Variants in TULP3 observed in about 807,000 individuals in gnomAD.
The protein encoded by TULP3 is TUB like protein 3, also known as tubby-related protein 3.
TULP3 carries 38 observed loss-of-function variants against 50.7 expected under a neutral mutation model. The observed-to-expected ratio is 0.75, with a 90% CI of 0.58 to 0.98. TULP3 has a LOEUF of 0.98. TULP3 is among the 50% of genes least tolerant of loss of function. The pLI is 0.00. For missense variants in TULP3, 550 were observed against 568.0 expected (o/e 0.97, Z 0.32); for synonymous variants, 183 against 196.6 (o/e 0.93, Z 0.58).
chr12:2,919,674 A>G (rs1228132836), intron 2 of TULP3, among the ~76,000 whole-genome samples: 6 of 152,148 alleles, frequency 3.9e-5, no homozygotes, highest in African/African-American at 1.4e-4. Context: ...TCCCAGATCA[A>G]TAATAATTTC....
At chr12:2,891,062 G>C in intron 1 of TULP3, 74 bp downstream of exon 1, 1 of 1,437,058 alleles carries the variant, frequency 7.0e-7, no homozygotes, top group African/African-American at 1.4e-5. Flanking sequence ...GGTCCTCTCC[G>C]GGAGCCCTGC....
At chr12:2,896,304 C>T (rs1273951416) in intron 1 of TULP3, among the ~76,000 whole-genome samples, 1 of 152,176 alleles carries the variant, frequency 6.6e-6, no homozygotes, top group East Asian at 1.9e-4. Flanking sequence ...ACCTAAATGT[C>T]GTTATTCAGG....
intron 8 of TULP3, among the ~76,000 whole-genome samples, chr12:2,934,860 T>C: frequency 6.6e-6 from 1 of 152,192 alleles, no homozygotes; most frequent in East Asian, 1.9e-4. Context: ...GCTGATCTTT[T>C]TTTGCTTTTA....
intron 2 of TULP3, among the ~76,000 whole-genome samples, 193 bp from the exon 3 acceptor site, chr12:2,920,570 C>T (rs564630040): frequency 6.6e-6 from 1 of 151,928 alleles, no homozygotes; most frequent in Non-Finnish European, 1.5e-5. Context: ...GTTAGGTGTT[C>T]AAAAGTATTT....
intron 4 of TULP3, among the ~76,000 whole-genome samples, chr12:2,928,700 T>C (rs1430402634): frequency 6.6e-6 from 1 of 152,060 alleles, no homozygotes; most frequent in African/African-American, 2.4e-5. Flanking sequence ...CCCAGCACTT[T>C]GTGAGGCCAA....
chr12:2,927,094 G>C (rs1374745614), intron 4 of TULP3, among the ~76,000 whole-genome samples: 1 of 151,886 alleles, frequency 6.6e-6, no homozygotes, highest in East Asian at 1.9e-4. Flanking sequence ...GGATTTGCCT[G>C]TTCTGGACAT....
chr12:2,938,213 T>A lies in TULP3; in HGVS notation c.1123T>A (p.Tyr375Asn). 1 of 1,614,196 alleles carries A rather than the reference T, an allele frequency of 6.2e-7. No homozygotes were observed. The highest frequency in any genetic ancestry group is 8.5e-7 in the Non-Finnish European group (1 of 1,180,028). ...APVWNSDTQS[Y>N]VLNFRGRVTQ... ...CGTCTGGAACAGTGACACTCAGTCC[T>A]ATGTCCTCAACTTCCGTGGCCGGGT... The change falls in exon 10 of 11, where the codon TAT becomes AAT. Residue 375 changes from tyrosine to asparagine, a missense_variant. Physicochemically the swap from Tyr to Asn is moderately radical, Grantham distance 143 (BLOSUM62 -2). Transcript: ENST00000448120.
At chr12:2,932,092 C>T (rs904418226) in intron 6 of TULP3, among the ~76,000 whole-genome samples, 8 of 152,150 alleles carry the variant, frequency 5.3e-5, no homozygotes, top group African/African-American at 1.9e-4. Flanking sequence ...AGGAAGGATG[C>T]CTATATAGGA....
At chr12:2,928,359 C>T (rs565948911) in intron 4 of TULP3, among the ~76,000 whole-genome samples, 14 of 149,658 alleles carry the variant, frequency 9.4e-5, no homozygotes, top group Non-Finnish European at 1.5e-4. Flanking sequence ...GGAGAAACCC[C>T]GTCTCTACTA....
At chr12:2,900,041 C>T (rs2098178176) in intron 1 of TULP3, among the ~76,000 whole-genome samples, 1 of 150,494 alleles carries the variant, frequency 6.6e-6, no homozygotes, top group African/African-American at 2.5e-5. Context: ...GTGTTGGAAC[C>T]CCGTCTCTAC....
At chr12:2,902,940 C>T (rs1378505733) in intron 1 of TULP3, among the ~76,000 whole-genome samples, 1 of 150,878 alleles carries the variant, frequency 6.6e-6, no homozygotes, top group Non-Finnish European at 1.5e-5. Flanking sequence ...CAGCTCACTG[C>T]AACCTTCACC....
intron 1 of TULP3, among the ~76,000 whole-genome samples, chr12:2,899,639 A>G (rs557823187): frequency 6.6e-6 from 1 of 152,184 alleles, no homozygotes; most frequent in Non-Finnish European, 1.5e-5. Context: ...CACGCCTGTA[A>G]TCCCAGCACT....
chr12:2,925,366 T>C (rs1302759127), intron 4 of TULP3, among the ~76,000 whole-genome samples: 2 of 152,108 alleles, frequency 1.3e-5, no homozygotes, highest in African/African-American at 4.8e-5. Context: ...GTGTGGTGTT[T>C]GCAAAAGCAC....
In TULP3 at chr12:2,920,934, G is replaced by A. The variant is rs767580564; in HGVS notation, c.253+12G>A. The A allele has an allele frequency of 3.7e-6, 6 of 1,613,650 alleles. No homozygotes were observed. The highest frequency in any genetic ancestry group is 2.2e-5 in the East Asian group (1 of 44,880). On this transcript the variant is annotated intron_variant, in intron 3 of 10. Coordinates refer to ENST00000448120, the MANE Select transcript of TULP3 (RefSeq NM_003324.5). ...TGTCATCTTACATGGTGTGTATTTA[G>A]GCAGCATCACTTCCTAGTGGGGTAC...
intron 4 of TULP3, among the ~76,000 whole-genome samples, chr12:2,926,963 A>C (rs1591534807): frequency 6.6e-6 from 1 of 152,140 alleles, no homozygotes; most frequent in Non-Finnish European, 1.5e-5. Flanking sequence ...CCATTTTCAC[A>C]ATCAATTTTA....
At position 2,938,246 on chromosome 12, in the gene TULP3, G is replaced by T; in HGVS notation, c.1156G>T (p.Ala386Ser). Residue 386 changes from alanine (A) to serine (S), a missense_variant, in exon 10 of 11, where the codon GCG becomes TCG. Transcript: ENST00000448120. Reference protein sequence around the residue: ...VLNFRGRVTQASVKNFQIVHK... With the variant: ...VLNFRGRVTQSSVKNFQIVHK... ...CAACTTCCGTGGCCGGGTCACTCAG[G>T]CGTCTGTGAAGAACTTCCAGATAGT... is the stretch of plus-strand genomic sequence containing the variant. The T allele has an allele frequency of 6.2e-7, 1 of 1,614,166 alleles. No individual in the cohort carries two copies. The highest frequency in any genetic ancestry group is 1.3e-5 in the African/African-American group (1 of 75,034).
chr12:2,931,789 G>A (rs754347375), intron 6 of TULP3, among the ~76,000 whole-genome samples: 2 of 152,130 alleles, frequency 1.3e-5, no homozygotes, highest in Non-Finnish European at 2.9e-5. Context: ...ATGATACTAG[G>A]TGTTAATTCT....
At chr12:2,921,229 T>C (rs1318431556) in intron 3 of TULP3, among the ~76,000 whole-genome samples, 1 of 152,106 alleles carries the variant, frequency 6.6e-6, no homozygotes, top group Non-Finnish European at 1.5e-5. Context: ...AACCTCCTCC[T>C]CCCAGGTTCA....
intron 8 of TULP3, 111 bp downstream of exon 8, chr12:2,934,672 A>G (rs1239082463): frequency 5.1e-6 from 3 of 583,376 alleles, no homozygotes; most frequent in East Asian, 6.4e-5. Flanking sequence ...TATTTCTGTG[A>G]TTTCTGTTGC....
Sources: allele counts gnomAD v4.1 joint callset (sites outside exome capture counted in the v4.1 genomes callset), GRCh38; gene constraint gnomAD v4.1.1; transcripts MANE v1.5; gene names NCBI Gene and HGNC (gene_info 2026-07-23, HGNC 2026-07-21).